The following ZNF382 variants were observed in gnomAD, a reference collection of about 807,000 sequenced individuals.
The protein encoded by ZNF382 is zinc finger protein 382.
ZNF382 carries 20 observed loss-of-function variants against 38.8 expected under a neutral mutation model. The ratio of observed to expected loss-of-function variants is 0.51; its 90% confidence interval spans 0.36 to 0.75. The LOEUF is 0.75. ZNF382 is among the 30% of genes least tolerant of loss of function. The probability of loss-of-function intolerance (pLI) is 0.00; values close to 1 mark genes in which losing one functional copy is unlikely to be tolerated. For synonymous variants in ZNF382, 202 were observed against 223.1 expected, an observed-to-expected ratio of 0.91 and a Z score of 0.84; for missense variants, 546 against 654.1, an observed-to-expected ratio of 0.83 and a Z score of 1.80.
At position 36,607,641 on chromosome 19, in the gene ZNF382, T is replaced by A. The variant is rs563890716; in HGVS notation, c.-14+19T>A. 1.1e-4 allele frequency: 171 copies of A among 1,515,362 alleles called. No homozygotes were observed. The highest frequency in any genetic ancestry group is 1.5e-4 in the Non-Finnish European group (167 of 1,139,936). 93.9% of individuals were successfully genotyped at this position (1,515,362 alleles called of 1,614,324 possible). A position where few individuals can be genotyped will look rare whatever the true frequency, so the allele number is the denominator to read the frequency against. ...GTCTCAGGTGAGATGATGTTTCCTC[T>A]CTTTCTGAAATAACTTTTTTTCATG... On this transcript the variant is annotated intron_variant, in intron 2 of 4. Transcript: ENST00000292928.
rs761683134 is a variant in ZNF382, at chr19:36,626,941, G to A, written c.1044G>A (p.Glu348=). 2.5e-6 allele frequency: 4 copies of A among 1,614,174 alleles called. No individual in the cohort carries two copies. Among genetic ancestry groups the A allele is most frequent in the Non-Finnish European group, 2.5e-6 (3 of 1,180,036 alleles). Residue 348 remains glutamate, a synonymous_variant, in exon 5 of 5, where the codon GAG becomes GAA. Coordinates refer to ENST00000292928, the MANE Select transcript of ZNF382 (RefSeq NM_032825.5). ...ALTLHEKTHI[E]GKPFICIDCG... ...CCCTTCATGAGAAAACACATATAGA[G>A]GGGAAACCCTTTATTTGTATCGATT... is the stretch of plus-strand genomic sequence containing the variant.
chr19:36,626,103 C>G, intron 4 of ZNF382, 27 bp from the exon 5 acceptor site: 1 of 1,482,424 alleles, frequency 6.7e-7, no homozygotes, highest in Admixed American at 2.4e-5. Context: ...TGTGAAGACT[C>G]ACAGTGTTAA....
At position 36,629,244 on chromosome 19, in the gene ZNF382, T is replaced by C. The variant is rs2037238348; in HGVS notation, c.*1694T>C. Reference sequence around the variant, plus strand: ...CCAAAGTGCTAGGATTACAGGGACTTTTAACTCTGGGGAAAGCTCTCTTTC... The same window carrying C: ...CCAAAGTGCTAGGATTACAGGGACTCTTAACTCTGGGGAAAGCTCTCTTTC... On this transcript the variant is annotated 3_prime_UTR_variant, in exon 5 of 5. Coordinates refer to ENST00000292928, the MANE Select transcript of ZNF382 (RefSeq NM_032825.5). 1 of 152,170 alleles carries C rather than the reference T, an allele frequency of 6.6e-6. No homozygotes were observed. The allele number at this position is 152,170 out of a possible 1,614,324, so 9.4% of individuals were successfully genotyped here.
intron 4 of ZNF382, among the ~76,000 whole-genome samples, chr19:36,621,663 C>A (rs1033793886): frequency 1.3e-5 from 2 of 151,844 alleles, no homozygotes; most frequent in Non-Finnish European, 2.9e-5. Flanking sequence ...GTTGGCATAG[C>A]ATTTGCACTG....
chr19:36,617,739 A>G (rs2967426), intron 4 of ZNF382, among the ~76,000 whole-genome samples: 6,141 of 152,136 alleles, frequency 0.04, 416 homozygotes, highest in African/African-American at 0.14. Flanking sequence ...AATCTTGCTT[A>G]GCTGACCTAC....
At position 36,628,216 on chromosome 19, in the gene ZNF382, A is replaced by G. The variant is rs1337180570; in HGVS notation, c.*666A>G. On this transcript the variant is annotated 3_prime_UTR_variant, in exon 5 of 5. Transcript: ENST00000292928. ...TCACAATTTATCCATTCTGCTGTTG[A>G]TGGACTTTTACATTGTTTACAGCTT... 1.3e-5 allele frequency: 2 copies of G among 152,226 alleles called. No individual in the cohort carries two copies. The highest frequency in any genetic ancestry group is 4.8e-5 in the African/African-American group (2 of 41,422). 9.4% of individuals were successfully genotyped at this position (152,226 alleles called of 1,614,324 possible).
rs985928845 is a variant in ZNF382, at chr19:36,630,301, C to T, written c.*2751C>T. The T allele has an allele frequency of 6.6e-6, 1 of 151,760 alleles. No individual in the cohort carries two copies. Among genetic ancestry groups the T allele is most frequent in the African/African-American group, 2.4e-5 (1 of 41,286 alleles). 9.4% of individuals were successfully genotyped at this position (151,760 alleles called of 1,614,324 possible). The stretch of plus-strand genomic sequence containing the variant: ...CAAGGTATGGAATCTAATGAATGTC[C>T]GTGAAGGAGGTACTTTTGAATGCTT... On this transcript the variant is annotated 3_prime_UTR_variant, in exon 5 of 5. Transcript: ENST00000292928.
At chr19:36,618,259 G>C (rs1266850850) in intron 4 of ZNF382, among the ~76,000 whole-genome samples, 1 of 152,186 alleles carries the variant, frequency 6.6e-6, no homozygotes, top group Admixed American at 6.5e-5. Context: ...CAAGGTTCTT[G>C]TTGTCACAGG....
At chr19:36,625,089 A>T (rs369255461) in intron 4 of ZNF382, among the ~76,000 whole-genome samples, 3 of 42,992 alleles carry the variant, frequency 7.0e-5, no homozygotes, top group South Asian at 1.3e-3. Context: ...AATGAATTTA[A>T]ATATATATAT....
intron 4 of ZNF382, among the ~76,000 whole-genome samples, chr19:36,617,001 G>A (rs1193980030): frequency 6.6e-6 from 1 of 152,106 alleles, no homozygotes; most frequent in Non-Finnish European, 1.5e-5. Context: ...GGAAGGAGGA[G>A]TGGAGCAGTG....
Position 36,610,761 on chromosome 19 carries a change from T to C in ZNF382, c.232+19T>C, listed in dbSNP as rs1346881552. 1 of 1,560,970 alleles carries C rather than the reference T, an allele frequency of 6.4e-7. No individual in the cohort carries two copies. The highest frequency in any genetic ancestry group is 1.4e-5 in the African/African-American group (1 of 73,506). ...TACCTAGGTGAGTCTATAAATGAAGTCTAGTGAACATTAAATGTCAAGTAG... is the reference window on the plus strand; with the variant it reads ...TACCTAGGTGAGTCTATAAATGAAGCCTAGTGAACATTAAATGTCAAGTAG... On this transcript the variant is annotated intron_variant, in intron 4 of 4. Coordinates refer to ENST00000292928, the MANE Select transcript of ZNF382 (RefSeq NM_032825.5).
chr19:36,630,158 C>A lies in ZNF382; in HGVS notation c.*2608C>A, dbSNP rs898110581. The A allele has an allele frequency of 6.6e-6, 1 of 152,016 alleles. No homozygotes were observed. The highest frequency in any genetic ancestry group is 2.4e-5 in the African/African-American group (1 of 41,376). The allele number at this position is 152,016 out of a possible 1,614,324, so 9.4% of individuals were successfully genotyped here. ...GGCAGTAAATCATATTCATCATATA[C>A]TTCCCAATTTTGCACACACAAAAAA... On this transcript the variant is annotated 3_prime_UTR_variant, in exon 5 of 5. Coordinates refer to ENST00000292928, the MANE Select transcript of ZNF382 (RefSeq NM_032825.5).
intron 4 of ZNF382, among the ~76,000 whole-genome samples, chr19:36,612,665 T>A (rs901166711): frequency 2.0e-5 from 3 of 152,216 alleles, no homozygotes; most frequent in Non-Finnish European, 4.4e-5. Context: ...TTTTGACCAT[T>A]CTGGTTGTAT....
chr19:36,633,214 A>G lies in ZNF382; in HGVS notation c.*5664A>G, dbSNP rs1316119293. ...CCACCATGCCCAGCTAATTTTTTGT[A>G]TTTTTAGTAGAGACGGGGTTTTACT... is the stretch of plus-strand genomic sequence containing the variant. On this transcript the variant is annotated 3_prime_UTR_variant, in exon 5 of 5. Transcript: ENST00000292928. 1.3e-5 allele frequency: 2 copies of G among 152,020 alleles called. No individual in the cohort carries two copies. The highest frequency in any genetic ancestry group is 4.8e-5 in the African/African-American group (2 of 41,328). 9.4% of individuals were successfully genotyped at this position (152,020 alleles called of 1,614,324 possible).
intron 4 of ZNF382, 60 bp downstream of exon 4, chr19:36,610,802 G>A: frequency 7.8e-7 from 1 of 1,274,990 alleles, no homozygotes; most frequent in Non-Finnish European, 1.1e-6. Flanking sequence ...GCCTTTGAAT[G>A]TTTTTAGGGA....
Position 36,610,691 on chromosome 19 carries a change from CA to C in ZNF382, c.183del (p.Gly62GlufsTer16). ...AKPDMIRKLE[Q>X]GEELWTQRIF... ...GCCTGATATGATCCGCAAGTTGGAA[CA>C]AGGAGAAGAGCTATGGACACAGAGA... On this transcript the variant is annotated frameshift_variant, in exon 4 of 5. Transcript: ENST00000292928. LOFTEE classifies it low-confidence loss of function (END_TRUNC). 1 of 1,613,418 alleles carries C rather than the reference CA, an allele frequency of 6.2e-7. No individual in the cohort carries two copies. Among genetic ancestry groups the C allele is most frequent in the Non-Finnish European group, 8.5e-7 (1 of 1,179,636 alleles).
chr19:36,618,710 G>A (rs1408819681), intron 4 of ZNF382, among the ~76,000 whole-genome samples: 3 of 151,992 alleles, frequency 2.0e-5, no homozygotes, highest in South Asian at 4.1e-4. Context: ...TCAGCTGGAG[G>A]ATTGTTTTGA....
In ZNF382 at chr19:36,626,752, G is replaced by A. The variant is rs1305358324; in HGVS notation, c.855G>A (p.Met285Ile). 2 of 1,614,166 alleles carry A rather than the reference G, an allele frequency of 1.2e-6. No homozygotes were observed. Among genetic ancestry groups the A allele is most frequent in the Non-Finnish European group, 1.7e-6 (2 of 1,180,030 alleles). ...KFLCRKPVFIMPQRPQTEEKP... is the reference protein window; with the variant it reads ...KFLCRKPVFIIPQRPQTEEKP... ...TCTGCAGAAAGCCTGTTTTTATTATGCCTCAGAGACCTCAAACAGAAGAGA... is the reference window on the plus strand; with the variant it reads ...TCTGCAGAAAGCCTGTTTTTATTATACCTCAGAGACCTCAAACAGAAGAGA... Residue 285 changes from methionine to isoleucine, a missense_variant, in exon 5 of 5, where the codon ATG (methionine) becomes ATA (isoleucine). Physicochemically the swap from Met to Ile is conservative, Grantham distance 10. Transcript: ENST00000292928.
At position 36,610,455 on chromosome 19, in the gene ZNF382, A is replaced by G. The variant is rs551234961; in HGVS notation, c.140-195A>G. On this transcript the variant is annotated intron_variant, in intron 3 of 4. Coordinates refer to ENST00000292928, the MANE Select transcript of ZNF382 (RefSeq NM_032825.5). ...TGAGTGAAAGAGTGAGACTGTCTCA[A>G]AAAAAAAAAAGAAAAGAAAAGGAAA... 1.8e-5 allele frequency: 7 copies of G among 384,736 alleles called. No homozygotes were observed. The Admixed American group carries it at 3.1e-4, about 17-fold the overall frequency. 23.8% of individuals were successfully genotyped at this position (384,736 alleles called of 1,614,324 possible). A position where few individuals can be genotyped will look rare whatever the true frequency, so the allele number is the denominator to read the frequency against.
Sources: gnomAD v4.1 joint callset for allele counts (sites outside exome capture counted in the v4.1 genomes callset) on GRCh38, gnomAD v4.1.1 for gene constraint, MANE v1.5 for transcripts, NCBI Gene and HGNC (gene_info 2026-07-23, HGNC 2026-07-21) for gene names.